The following GGTA1 variants were observed in gnomAD, a reference collection of about 807,000 sequenced individuals.
The protein encoded by GGTA1 is glycoprotein alpha-galactosyltransferase 1 (inactive), also known as inactive N-acetyllactosaminide alpha-1,3-galactosyltransferase.
In GGTA1, 5 loss-of-function variants were observed where a neutral mutation model predicts 2.6. The observed-to-expected ratio is 1.92, with a 90% CI of 1.00 to 4.04. The LOEUF (loss-of-function observed/expected upper bound fraction) is 4.04. Among genes scored for constraint, GGTA1 ranks in the 30% most tolerant of loss-of-function variants. GGTA1 has a pLI of 0.00. For synonymous variants in GGTA1, 17 were observed against 5.0 expected (o/e 3.38, Z -3.19); for missense variants, 50 against 16.7 (o/e 2.99, Z -3.47).
chr9:121,453,212 A>C (rs992296207), downstream of GGTA1, among the ~76,000 whole-genome samples: 1 of 152,224 alleles, frequency 6.6e-6, no homozygotes, highest in African/African-American at 2.4e-5. Flanking sequence ...AAGGCATTTG[A>C]TGGAGGCCCA....
chr9:121,473,972 GGA>G (rs141951986), intron 1 of GGTA1, among the ~76,000 whole-genome samples: 30 of 134,228 alleles, frequency 2.2e-4, no homozygotes, highest in Admixed American at 9.3e-4. Context: ...AGGGAGGGAG[GGA>G]GAGAGAGAGA....
intron 5 of GGTA1, among the ~76,000 whole-genome samples, chr9:121,456,562 C>T (rs900526292): frequency 3.3e-5 from 5 of 152,002 alleles, no homozygotes; most frequent in African/African-American, 1.2e-4. Context: ...GGATTACAGG[C>T]ATGGGTCACC....
At chr9:121,457,700 T>A (rs1230348446) in intron 5 of GGTA1, among the ~76,000 whole-genome samples, 3 of 123,042 alleles carry the variant, frequency 2.4e-5, no homozygotes, top group Admixed American at 8.5e-5. Flanking sequence ...GAATCCATCT[T>A]AAAAAAAAAA....
At position 121,467,948 on chromosome 9, in the gene GGTA1, G is replaced by A; in HGVS notation, c.-9-17C>T. On this transcript the variant is annotated splice_polypyrimidine_tract_variant and intron_variant, in intron 1 of 5. Transcript: ENST00000481799. ...TATTTTCTCCTAGGAAAAAAGAAGA[G>A]GGGAGAAAAAAAGAGAACAGATTAA... 2.2e-6 allele frequency: 1 copy of A among 451,154 alleles called. No individual in the cohort carries two copies. The highest frequency in any genetic ancestry group is 4.4e-6 in the Non-Finnish European group (1 of 225,188). The allele number at this position is 451,154 out of a possible 1,614,324, so 27.9% of individuals were successfully genotyped here. A position where few individuals can be genotyped will look rare whatever the true frequency, so the allele number is the denominator to read the frequency against.
chr9:121,456,104 G>A (rs929544323), intron 5 of GGTA1, among the ~76,000 whole-genome samples: 3 of 152,162 alleles, frequency 2.0e-5, no homozygotes, highest in African/African-American at 7.2e-5. Context: ...CAAAAAAGAA[G>A]TGACGGAGGG....
chr9:121,455,854 A>T lies in GGTA1; in HGVS notation c.299-13T>A, dbSNP rs1008958618. On this transcript the variant is annotated splice_polypyrimidine_tract_variant and intron_variant, in intron 5 of 5. Coordinates refer to ENST00000481799, the MANE Select transcript of GGTA1 (RefSeq NM_001382585.1). ...GGATTCCTTCAAGCTGGAAGAAAAA[A>T]CAGCAACATTAAAAATTTATGTTGA... 17 of 453,926 alleles carry T rather than the reference A, an allele frequency of 3.7e-5. No individual in the cohort carries two copies. Among genetic ancestry groups the T allele is most frequent in the Non-Finnish European group, 6.6e-5 (15 of 226,354 alleles). The allele number at this position is 453,926 out of a possible 1,614,324, so 28.1% of individuals were successfully genotyped here. A position where few individuals can be genotyped will look rare whatever the true frequency, so the allele number is the denominator to read the frequency against.
Position 121,460,052 on chromosome 9 carries a change from C to A in GGTA1, c.298+52G>T, listed in dbSNP as rs555033881. ...ACTGTTGCCTCCACTGCCACACCAC[C>A]CCCTGCAGGGCCATGGATTTGCTGC... is the stretch of plus-strand genomic sequence containing the variant. On this transcript the variant is annotated intron_variant, in intron 5 of 5. Coordinates refer to ENST00000481799, the MANE Select transcript of GGTA1 (RefSeq NM_001382585.1). 5.7e-5 allele frequency: 26 copies of A among 452,512 alleles called. No individual in the cohort carries two copies. In the Admixed American group the frequency reaches 6.2e-4, roughly 11 times the overall value. The allele number at this position is 452,512 out of a possible 1,614,324, so 28.0% of individuals were successfully genotyped here. A position where few individuals can be genotyped will look rare whatever the true frequency, so the allele number is the denominator to read the frequency against.
chr9:121,448,693 G>C, intron 7 of GGTA1, among the ~76,000 whole-genome samples: 1 of 152,042 alleles, frequency 6.6e-6, no homozygotes, highest in East Asian at 1.9e-4. Flanking sequence ...GAAAAATTGC[G>C]CCAAAAGTAC....
downstream of GGTA1, among the ~76,000 whole-genome samples, chr9:121,453,838 G>A (rs1249550177): frequency 6.6e-6 from 1 of 152,150 alleles, no homozygotes; most frequent in Admixed American, 6.5e-5. Context: ...GTACAGCTGG[G>A]TCATCCCCTG....
intron 1 of GGTA1, among the ~76,000 whole-genome samples, chr9:121,493,954 G>A (rs558043804): frequency 1.7e-3 from 251 of 151,736 alleles, no homozygotes; most frequent in African/African-American, 5.7e-3. Context: ...ACGGGGTTTT[G>A]CCATGTTGAC....
chr9:121,445,395 T>C (rs906654653), exon 8 of GGTA1: 2 of 152,208 alleles, frequency 1.3e-5, no homozygotes, highest in African/African-American at 4.8e-5. Context: ...CACGGTGAAA[T>C]GGTCGAGAAA....
chr9:121,446,471 G>C (rs1235913921), exon 8 of GGTA1: 1 of 152,246 alleles, frequency 6.6e-6, no homozygotes, highest in East Asian at 1.9e-4. Context: ...TCTTTACTGA[G>C]AGTTCTGCTG....
chr9:121,468,959 A>C (rs1223187701), intron 1 of GGTA1, among the ~76,000 whole-genome samples: 1 of 152,132 alleles, frequency 6.6e-6, no homozygotes, highest in Non-Finnish European at 1.5e-5. Context: ...TATAGTGATA[A>C]CACATTCCCT....
At position 121,460,132 on chromosome 9, in the gene GGTA1, G is replaced by C. The variant is rs1329598433; in HGVS notation, c.270C>G (p.Ser90Arg). The C allele has an allele frequency of 4.4e-6, 2 of 456,654 alleles. No homozygotes were observed. Among genetic ancestry groups the C allele is most frequent in the Non-Finnish European group, 8.8e-6 (2 of 226,992 alleles). The allele number at this position is 456,654 out of a possible 1,614,324, so 28.3% of individuals were successfully genotyped here. A position where few individuals can be genotyped will look rare whatever the true frequency, so the allele number is the denominator to read the frequency against. The change falls in exon 5 of 6, where the codon AGC becomes AGG. Residue 90 changes from serine to arginine, a missense_variant. Coordinates refer to ENST00000481799, the MANE Select transcript of GGTA1 (RefSeq NM_001382585.1). ...ETKGRKMTQQSFGYGTGLIQT is the reference protein window; with the variant it reads ...ETKGRKMTQQRFGYGTGLIQT ...GGATTAAACCAGTCCCATAGCCGAA[G>C]CTCTGTTGTGTCATTTTCCTTCCTT...
At chr9:121,451,308 C>T (rs919326794), downstream of GGTA1, among the ~76,000 whole-genome samples, 1 of 152,184 alleles carries the variant, frequency 6.6e-6, no homozygotes, top group Non-Finnish European at 1.5e-5. Flanking sequence ...GCCTCAGCCT[C>T]CCAAGTAGCT....
At chr9:121,474,619 C>T (rs1198944319) in intron 1 of GGTA1, among the ~76,000 whole-genome samples, 1 of 152,188 alleles carries the variant, frequency 6.6e-6, no homozygotes, top group African/African-American at 2.4e-5. Context: ...CTCACAGTTC[C>T]ACCCCAACAG....
At chr9:121,474,646 T>C (rs1036695046) in intron 1 of GGTA1, among the ~76,000 whole-genome samples, 1 of 152,144 alleles carries the variant, frequency 6.6e-6, no homozygotes, top group African/African-American at 2.4e-5. Flanking sequence ...GTCAAGGTAA[T>C]TCGTTCCAAA....
rs1013004870 is a variant in GGTA1, at chr9:121,496,990, C to T, written c.-10+2660G>A. 4.0e-5 allele frequency among the ~76,000 whole-genome samples: 6 copies of T among 151,320 alleles called. No individual in the cohort carries two copies. In the East Asian group the frequency reaches 7.9e-4, roughly 20 times the overall value. On this transcript the variant is annotated intron_variant, in intron 1 of 5. Transcript: ENST00000481799. Reference sequence around the variant, plus strand: ...GGTGGATCACCTGAGGTCAGGAGTTCGAGACCAGCCTGGCCAACAGGGTGA... The same window carrying T: ...GGTGGATCACCTGAGGTCAGGAGTTTGAGACCAGCCTGGCCAACAGGGTGA...
intron 3 of GGTA1, 58 bp from the exon 4 acceptor site, chr9:121,461,375 G>A (rs905303997): frequency 2.4e-6 from 1 of 425,434 alleles, no homozygotes; most frequent in East Asian, 7.1e-5. Flanking sequence ...CCAAACTTAG[G>A]GTTTCCAAAT....
Sources: gnomAD v4.1 joint callset for allele counts (sites outside exome capture counted in the v4.1 genomes callset) on GRCh38, gnomAD v4.1.1 for gene constraint, MANE v1.5 for transcripts, NCBI Gene and HGNC (gene_info 2026-07-23, HGNC 2026-07-21) for gene names.